Variants in STK32B observed in about 807,000 individuals in gnomAD.
The protein encoded by STK32B is serine/threonine-protein kinase 32B.
A neutral mutation model predicts 52.6 loss-of-function variants in STK32B; 43 were observed. The ratio of observed to expected loss-of-function variants is 0.82; its 90% CI spans 0.64 to 1.05. The LOEUF (loss-of-function observed/expected upper bound fraction) is 1.05. STK32B is among the 50% of genes least tolerant of loss of function. STK32B has a pLI of 0.00. For missense variants in STK32B, 621 were observed against 534.6 expected (o/e 1.16, Z -1.59); for synonymous variants, 238 against 204.3 (o/e 1.17, Z -1.41).
intron 6 of STK32B, among the ~76,000 whole-genome samples, chr4:5,438,780 G>T (rs1363810729): frequency 6.6e-6 from 1 of 152,150 alleles, no homozygotes; most frequent in African/African-American, 2.4e-5. Context: ...AGTTCCCAGA[G>T]TATGATATTC....
chr4:5,278,414 C>T (rs943483023), intron 3 of STK32B, among the ~76,000 whole-genome samples: 1 of 152,092 alleles, frequency 6.6e-6, no homozygotes, highest in Non-Finnish European at 1.5e-5. Flanking sequence ...GAGATGAGAC[C>T]TTGGGCCCTT....
chr4:5,438,323 A>G (rs1714314373), intron 6 of STK32B, among the ~76,000 whole-genome samples: 1 of 152,240 alleles, frequency 6.6e-6, no homozygotes, highest in Non-Finnish European at 1.5e-5. Context: ...AGTGCCCAGC[A>G]TGTACTAGGA....
intron 4 of STK32B, among the ~76,000 whole-genome samples, chr4:5,332,261 C>T (rs1241013866): frequency 2.6e-5 from 4 of 152,104 alleles, no homozygotes; most frequent in South Asian, 2.1e-4. Flanking sequence ...AAGGGGACTA[C>T]AGTCAAAACA....
intron 1 of STK32B, among the ~76,000 whole-genome samples, chr4:5,120,512 T>A (rs1165166356): frequency 2.0e-5 from 3 of 152,254 alleles, no homozygotes; most frequent in Non-Finnish European, 2.9e-5. Context: ...ATTAAACTTT[T>A]TCATAGGGAG....
intron 1 of STK32B, among the ~76,000 whole-genome samples, chr4:5,105,545 C>T (rs546404027): frequency 1.7e-4 from 26 of 151,974 alleles, no homozygotes; most frequent in Non-Finnish European, 2.9e-4. Context: ...TTCTATATTG[C>T]GCATTTTTAC....
chr4:5,499,335 C>T lies in STK32B; in HGVS notation c.*252C>T, dbSNP rs1304561076. The T allele has an allele frequency of 1.2e-5, 5 of 404,232 alleles. No homozygotes were observed. The highest frequency in any genetic ancestry group is 2.0e-5 in the African/African-American group (1 of 48,782). The allele number at this position is 404,232 out of a possible 1,614,324, so 25.0% of individuals were successfully genotyped here. ...GCCAAAGGGGTTAAACACTTCTGCC[C>T]CACTTCAAATTACAAGATTATGGGG... On this transcript the variant is annotated 3_prime_UTR_variant, in exon 12 of 12. Transcript: ENST00000282908.
At chr4:5,090,683 T>G (rs2108783268) in intron 1 of STK32B, among the ~76,000 whole-genome samples, 1 of 152,226 alleles carries the variant, frequency 6.6e-6, no homozygotes, top group Non-Finnish European at 1.5e-5. Flanking sequence ...CTTGAGTTAA[T>G]TTTTGTATAA....
chr4:5,473,096 T>A (rs947744511), intron 11 of STK32B, among the ~76,000 whole-genome samples: 4 of 152,340 alleles, frequency 2.6e-5, no homozygotes, highest in African/African-American at 7.2e-5. Context: ...ATATCATTGG[T>A]ATTCTCAAGG....
In STK32B at chr4:5,486,000, G is replaced by T. The variant is rs552344791; in HGVS notation, c.1107-12945G>T. Among the ~76,000 whole-genome samples the T allele has an allele frequency of 1.7e-4, 26 of 152,330 alleles. No homozygotes were observed. In the East Asian group the frequency reaches 3.9e-3, roughly 23 times the overall value. ...TGTGAGGTGTCAGTCTGCCCCTACT[G>T]CGGGGTGCCTCCCAGTTAGGCTACT... On this transcript the variant is annotated intron_variant, in intron 11 of 11. Transcript: ENST00000282908.
chr4:5,096,319 A>G (rs1713389790), intron 1 of STK32B, among the ~76,000 whole-genome samples: 1 of 152,208 alleles, frequency 6.6e-6, no homozygotes. Flanking sequence ...TAAAAAAAAT[A>G]ATAAAATATT....
intron 1 of STK32B, among the ~76,000 whole-genome samples, chr4:5,066,870 A>G (rs930024399): frequency 2.6e-5 from 4 of 152,168 alleles, no homozygotes; most frequent in African/African-American, 9.7e-5. Context: ...AAGATGCCTT[A>G]TCTGCTTCCT....
rs1256442106 is a variant in STK32B, at chr4:5,398,697, G to C, written c.472+453G>C. On this transcript the variant is annotated intron_variant, in intron 5 of 11. Coordinates refer to ENST00000282908, the MANE Select transcript of STK32B (RefSeq NM_018401.3). This position sits in a 1 kb window ranked among gnomAD's most constrained non-coding sequence, Gnocchi z 4.9. ...TTCTAGCAAGCAGAGCTTAATACTT[G>C]ATAATCCACTAAGCATTTACTCATC... Among the ~76,000 whole-genome samples, 1 of 152,186 alleles carries C rather than the reference G, an allele frequency of 6.6e-6. No homozygotes were observed. The highest frequency in any genetic ancestry group is 6.5e-5 in the Admixed American group (1 of 15,274).
intron 3 of STK32B, among the ~76,000 whole-genome samples, chr4:5,218,104 C>T (rs1723291229): frequency 6.6e-6 from 1 of 152,124 alleles, no homozygotes; most frequent in Non-Finnish European, 1.5e-5. Flanking sequence ...ATCTATACAC[C>T]TGCCATTCAA....
At chr4:5,269,028 C>T (rs1161269640) in intron 3 of STK32B, among the ~76,000 whole-genome samples, 1 of 151,882 alleles carries the variant, frequency 6.6e-6, no homozygotes, top group Non-Finnish European at 1.5e-5. Context: ...GAGGAAGAGC[C>T]CAGGGGTCTC....
chr4:5,050,711 T>A (rs545034680), upstream of STK32B, among the ~76,000 whole-genome samples: 17 of 152,250 alleles, frequency 1.1e-4, no homozygotes, highest in South Asian at 2.9e-3. Context: ...TCAGGGAGCG[T>A]CCTGGGAACC....
chr4:5,410,213 G>T (rs542595270), intron 5 of STK32B, among the ~76,000 whole-genome samples: 55 of 152,302 alleles, frequency 3.6e-4, no homozygotes, highest in Admixed American at 7.2e-4. Flanking sequence ...CCTACCAGGG[G>T]AGGGAGCTGA....
chr4:5,030,596 T>C, the STK32B span, among the ~76,000 whole-genome samples: 1 of 152,140 alleles, frequency 6.6e-6, no homozygotes, highest in African/African-American at 2.4e-5. Context: ...CCTTACAAGG[T>C]AGGAGTTGGT....
chr4:5,415,234 C>G (rs1350469365), intron 5 of STK32B, among the ~76,000 whole-genome samples: 1 of 152,220 alleles, frequency 6.6e-6, no homozygotes, highest in Non-Finnish European at 1.5e-5. Context: ...CACCATCACT[C>G]TAACCGTTTC....
chr4:5,430,084 T>G (rs919079670), intron 6 of STK32B, among the ~76,000 whole-genome samples: 16 of 152,128 alleles, frequency 1.1e-4, no homozygotes, highest in Non-Finnish European at 1.9e-4. Context: ...TTTACTCTGG[T>G]TGGTGTTTTC....
Sources: allele counts gnomAD v4.1 joint callset (sites outside exome capture counted in the v4.1 genomes callset), GRCh38; gene constraint gnomAD v4.1.1; non-coding constraint Gnocchi (gnomAD v3.1); transcripts MANE v1.5; gene names NCBI Gene and HGNC (gene_info 2026-07-23, HGNC 2026-07-21).